SEMA3E: variants seen among roughly 807,000 people sequenced by gnomAD.
The protein encoded by SEMA3E is semaphorin 3E.
A neutral mutation model predicts 93.6 loss-of-function variants in SEMA3E; 49 were observed. The ratio of observed to expected loss-of-function variants is 0.52; its 90% CI spans 0.42 to 0.66. The LOEUF is 0.66. SEMA3E is among the 30% of genes least tolerant of loss of function. The probability of loss-of-function intolerance (pLI) is 0.00; values close to 1 mark genes in which losing one functional copy is unlikely to be tolerated. For missense variants in SEMA3E, 906 were observed against 964.8 expected (o/e 0.94, Z 0.81); for synonymous variants, 363 against 330.7 (o/e 1.10, Z -1.06).
At chr7:83,451,281 TAC>T (rs985542165) in intron 4 of SEMA3E, among the ~76,000 whole-genome samples, 14 of 152,294 alleles carry the variant, frequency 9.2e-5, no homozygotes, top group African/African-American at 3.4e-4. Flanking sequence ...AACAGACTAA[TAC>T]AGGGGGACTT....
chr7:83,498,858 T>C (rs902194050), intron 1 of SEMA3E, among the ~76,000 whole-genome samples: 16 of 152,194 alleles, frequency 1.1e-4, no homozygotes, highest in African/African-American at 3.9e-4. Flanking sequence ...CTTCCTTCCA[T>C]CTGGACTTTC....
chr7:83,642,311 G>C (rs1020973701), intron 1 of SEMA3E, among the ~76,000 whole-genome samples: 1 of 152,112 alleles, frequency 6.6e-6, no homozygotes, highest in East Asian at 1.9e-4. Flanking sequence ...CCTGAAATAG[G>C]TGTTAGAACT....
chr7:83,609,329 C>G (rs1793196895), intron 1 of SEMA3E, among the ~76,000 whole-genome samples: 1 of 151,922 alleles, frequency 6.6e-6, no homozygotes, highest in South Asian at 2.1e-4. Flanking sequence ...GGCACACTGT[C>G]TACTTTAAAC....
chr7:83,564,721 T>C (rs751810214), intron 1 of SEMA3E, among the ~76,000 whole-genome samples: 10 of 152,234 alleles, frequency 6.6e-5, no homozygotes, highest in Non-Finnish European at 1.5e-4. Context: ...ACTTGGTATC[T>C]GACTTACATT....
intron 2 of SEMA3E, among the ~76,000 whole-genome samples, chr7:83,489,709 A>G (rs1790339989): frequency 6.6e-6 from 1 of 151,652 alleles, no homozygotes; most frequent in Non-Finnish European, 1.5e-5. Context: ...TATTACCAAC[A>G]GAACTATATG....
chr7:83,476,847 T>A (rs1275233884), intron 2 of SEMA3E, among the ~76,000 whole-genome samples: 2 of 152,200 alleles, frequency 1.3e-5, no homozygotes, highest in Non-Finnish European at 2.9e-5. Flanking sequence ...TTCCAAAATC[T>A]CTGTACCAAA....
chr7:83,392,192 A>G (rs569448846), intron 14 of SEMA3E, among the ~76,000 whole-genome samples: 12 of 152,168 alleles, frequency 7.9e-5, no homozygotes, highest in Non-Finnish European at 1.3e-4. Flanking sequence ...TTCACTTTCA[A>G]AATGAAATAA....
In SEMA3E at chr7:83,470,353, TCTTTC is replaced by T. The variant is rs557337908; in HGVS notation, c.277-1056_277-1052del. 3.9e-4 allele frequency among the ~76,000 whole-genome samples: 58 copies of T among 149,548 alleles called. 1 individual carries two copies. The South Asian group carries it at 9.2e-3, about 24-fold the overall frequency. On this transcript the variant is annotated intron_variant, in intron 2 of 16. Coordinates refer to ENST00000643230, the MANE Select transcript of SEMA3E (RefSeq NM_012431.3). ...GAAGAAATTTTTTACTTTATCACTT[TCTTTC>T]CTTTTCTTTTCTCAGACTCCTTTTG... is the stretch of plus-strand genomic sequence containing the variant.
intron 1 of SEMA3E, among the ~76,000 whole-genome samples, chr7:83,614,561 A>G (rs116852579): frequency 1.3e-5 from 2 of 152,148 alleles, no homozygotes; most frequent in African/African-American, 4.8e-5. Flanking sequence ...ACAATAAAAA[A>G]GAAACCCCCA....
chr7:83,400,130 G>GT lies in SEMA3E; in HGVS notation c.1263dup (p.Pro422ThrfsTer11). On this transcript the variant is annotated frameshift_variant, in exon 11 of 17. Coordinates refer to ENST00000643230, the MANE Select transcript of SEMA3E (RefSeq NM_012431.3). LOFTEE classifies it high-confidence loss of function. ...TTTCCATCTGTTTTTACCAATATTG[G>GT]TTTTTTATGGGCAGGTTTTATGGCC... 3 of 1,613,858 alleles carry GT rather than the reference G, an allele frequency of 1.9e-6. No individual in the cohort carries two copies. The highest frequency in any genetic ancestry group is 2.5e-6 in the Non-Finnish European group (3 of 1,179,920).
At chr7:83,581,870 G>A (rs1357400472) in intron 1 of SEMA3E, among the ~76,000 whole-genome samples, 1 of 151,938 alleles carries the variant, frequency 6.6e-6, no homozygotes, top group Non-Finnish European at 1.5e-5. Context: ...AAGGATAATG[G>A]TTGGAGGGCT....
At chr7:83,551,819 C>T (rs1342879938) in intron 1 of SEMA3E, among the ~76,000 whole-genome samples, 2 of 152,070 alleles carry the variant, frequency 1.3e-5, no homozygotes, top group Non-Finnish European at 2.9e-5. Context: ...CTTTGCAGGA[C>T]ATGTAGCAGC....
chr7:83,553,830 GTC>G (rs1434237646), intron 1 of SEMA3E, among the ~76,000 whole-genome samples: 1 of 152,066 alleles, frequency 6.6e-6, no homozygotes, highest in Non-Finnish European at 1.5e-5. Context: ...AGAGCTATGT[GTC>G]TCTGTTAGGT....
intron 14 of SEMA3E, among the ~76,000 whole-genome samples, chr7:83,388,322 TAAAAAAAA>T (rs10714005): frequency 6.8e-6 from 1 of 146,194 alleles, no homozygotes. Context: ...AATAAAAAAA[TAAAAAAAA>T]ATATATATAT....
chr7:83,563,473 T>A (rs948750960), intron 1 of SEMA3E, among the ~76,000 whole-genome samples: 2 of 152,160 alleles, frequency 1.3e-5, no homozygotes, highest in African/African-American at 4.8e-5. Context: ...ACAGGTGGTC[T>A]CTGGACCAGC....
At chr7:83,429,158 C>A (rs1414902308) in intron 4 of SEMA3E, among the ~76,000 whole-genome samples, 2 of 151,932 alleles carry the variant, frequency 1.3e-5, no homozygotes, top group East Asian at 3.9e-4. Flanking sequence ...CCTTTAATAC[C>A]ATTGGAATAG....
chr7:83,519,462 T>A (rs1288040571), intron 1 of SEMA3E, among the ~76,000 whole-genome samples: 2 of 152,104 alleles, frequency 1.3e-5, no homozygotes, highest in Non-Finnish European at 2.9e-5. Flanking sequence ...CAGAGTCTTT[T>A]CTAACAGTAG....
At chr7:83,634,325 A>G (rs1229617406) in intron 1 of SEMA3E, among the ~76,000 whole-genome samples, 1 of 152,100 alleles carries the variant, frequency 6.6e-6, no homozygotes, top group Non-Finnish European at 1.5e-5. Flanking sequence ...ATGGTTTTTT[A>G]GTTTTCTCAT....
intron 1 of SEMA3E, among the ~76,000 whole-genome samples, chr7:83,646,778 T>C (rs527291192): frequency 2.6e-4 from 39 of 152,154 alleles, no homozygotes; most frequent in Non-Finnish European, 5.6e-4. Context: ...TTTGATCAAA[T>C]TATTAACTCT....
Sources: gnomAD v4.1 joint callset for allele counts (sites outside exome capture counted in the v4.1 genomes callset) on GRCh38, gnomAD v4.1.1 for gene constraint, MANE v1.5 for transcripts, NCBI Gene and HGNC (gene_info 2026-07-23, HGNC 2026-07-21) for gene names.